Variants in PAEP observed in about 807,000 individuals in gnomAD.
The protein encoded by PAEP is progestagen associated endometrial protein.
A neutral mutation model predicts 23.0 loss-of-function variants in PAEP; 28 were observed. That is an observed-to-expected ratio of 1.22 (90% CI 0.90 to 1.67). The LOEUF is 1.67. PAEP is among the 40% of genes most tolerant of loss of function. The pLI is 0.00. For missense variants in PAEP, 209 were observed against 226.4 expected, an observed-to-expected ratio of 0.92 and a Z score of 0.49; for synonymous variants, 103 against 92.4, an observed-to-expected ratio of 1.12 and a Z score of -0.66.
chr9:135,565,695 C>T (rs1198710058), intron 5 of PAEP, 90 bp from the exon 6 acceptor site: 17 of 1,511,296 alleles, frequency 1.1e-5, no homozygotes, highest in Non-Finnish European at 1.5e-5. Context: ...CTCCCACCAT[C>T]CTTTCATCCC....
At chr9:135,562,045 A>G in intron 1 of PAEP, 148 bp downstream of exon 1, 1 of 765,804 alleles carries the variant, frequency 1.3e-6, no homozygotes, top group Non-Finnish European at 2.1e-6. Context: ...CCTGCTCTCC[A>G]TCTTTAGGGT....
chr9:135,562,680 C>A, intron 2 of PAEP, 140 bp from the exon 3 acceptor site: 1 of 837,146 alleles, frequency 1.2e-6, no homozygotes, highest in Non-Finnish European at 2.0e-6. Context: ...CCAGGTCAGA[C>A]TGAGGAGAAG....
In PAEP at chr9:135,565,804, G is replaced by C. The variant is rs1371106981; in HGVS notation, c.*3G>C. ...CCACAGAGCCGTGCCGTTTCTAGGT[G>C]AGCTCCTGCCTGGTCCTGCCTCCTG... On this transcript the variant is annotated splice_donor_region_variant and intron_variant, in intron 6 of 6. Transcript: ENST00000479141. The C allele has an allele frequency of 6.2e-7, 1 of 1,614,136 alleles. No homozygotes were observed. Among genetic ancestry groups the C allele is most frequent in the Non-Finnish European group, 8.5e-7 (1 of 1,180,014 alleles).
chr9:135,562,361 C>A lies in PAEP; in HGVS notation c.164C>A (p.Ala55Asp), dbSNP rs1832342691. The A allele has an allele frequency of 6.2e-7, 1 of 1,614,010 alleles. No homozygotes were observed. Among genetic ancestry groups the A allele is most frequent in the African/African-American group, 1.3e-5 (1 of 74,930 alleles). Residue 55 changes from alanine (A) to aspartate (D), a missense_variant, in exon 2 of 7, where the codon GCC becomes GAC. Coordinates refer to ENST00000479141, the MANE Select transcript of PAEP (RefSeq NM_002571.4). ...ATCTCCCTCATGGCGACACTGAAGGCCCCTCTGAGGGTCCACATCACCTCA... is the reference window on the plus strand; with the variant it reads ...ATCTCCCTCATGGCGACACTGAAGGACCCTCTGAGGGTCCACATCACCTCA... The part of the protein sequence containing the change: ...NNISLMATLK[A>D]PLRVHITSLL...
chr9:135,564,131 GGT>G (rs1832463766), intron 3 of PAEP, 111 bp from the exon 4 acceptor site: 1 of 1,448,450 alleles, frequency 6.9e-7, no homozygotes. Context: ...CACGTCCCAT[GGT>G]GTCAGTGGAT....
In PAEP at chr9:135,561,783, GCCA is replaced by G; in HGVS notation, c.-16_-14del. ...CATCCCTCTGGCTCCAGAGCTCAGA[GCCA>G]CCCACAGCCGCAGCCATGCTGTGCC... On this transcript the variant is annotated 5_prime_UTR_variant, in exon 1 of 7. Coordinates refer to ENST00000479141, the MANE Select transcript of PAEP (RefSeq NM_002571.4). The G allele has an allele frequency of 6.5e-7, 1 of 1,539,230 alleles. No individual in the cohort carries two copies. Among genetic ancestry groups the G allele is most frequent in the Non-Finnish European group, 8.8e-7 (1 of 1,137,592 alleles).
rs1301017360 is a variant in PAEP, at chr9:135,564,236, T to C, written c.311-8T>C. On this transcript the variant is annotated splice_polypyrimidine_tract_variant and splice_region_variant and intron_variant, in intron 3 of 6. Transcript: ENST00000479141. ...ATCTTCCTTTTGGTTCTTCTCTTCT[T>C]TCCCCAGATACGGTGGCGAACGAGG... 29 of 1,552,182 alleles carry C rather than the reference T, an allele frequency of 1.9e-5. No homozygotes were observed. The highest frequency in any genetic ancestry group is 2.6e-6 in the Non-Finnish European group (3 of 1,147,162).
intron 2 of PAEP, among the ~76,000 whole-genome samples, 184 bp downstream of exon 2, chr9:135,562,617 C>T (rs995538036): frequency 2.6e-5 from 4 of 152,214 alleles, no homozygotes; most frequent in Non-Finnish European, 5.9e-5. Context: ...TCCCTGTCCC[C>T]TTGGATCCCC....
chr9:135,565,809 C>G lies in PAEP; in HGVS notation c.*8C>G. 6.2e-7 allele frequency: 1 copy of G among 1,614,164 alleles called. No homozygotes were observed. Among genetic ancestry groups the G allele is most frequent in the Non-Finnish European group, 8.5e-7 (1 of 1,179,986 alleles). ...GAGCCGTGCCGTTTCTAGGTGAGCT[C>G]CTGCCTGGTCCTGCCTCCTGGGTAA... On this transcript the variant is annotated splice_region_variant and intron_variant, in intron 6 of 6. Coordinates refer to ENST00000479141, the MANE Select transcript of PAEP (RefSeq NM_002571.4).
intron 6 of PAEP, chr9:135,566,175 T>C (rs909837085): frequency 4.7e-6 from 1 of 213,066 alleles, no homozygotes; most frequent in African/African-American, 2.3e-5. Flanking sequence ...GTTCTTTTTT[T>C]TTTTTCTTTT....
intron 2 of PAEP, 47 bp from the exon 3 acceptor site, chr9:135,562,773 C>T (rs1453569658): frequency 1.0e-5 from 15 of 1,479,076 alleles, no homozygotes; most frequent in Non-Finnish European, 1.3e-5. Context: ...ACAGTGAAGG[C>T]AACTCCAATT....
chr9:135,561,928 G>GT (rs1446619532), intron 1 of PAEP, 31 bp downstream of exon 1: 33 of 1,510,696 alleles, frequency 2.2e-5, no homozygotes, highest in Non-Finnish European at 3.0e-5. Context: ...GCACTTTACT[G>GT]TGGGAGGCCT....
intron 4 of PAEP, 187 bp downstream of exon 4, chr9:135,564,541 T>A (rs1832489177): frequency 1.1e-6 from 1 of 943,434 alleles, no homozygotes; most frequent in Admixed American, 6.2e-5. Context: ...TCTCATTCTG[T>A]CACTCAGGCT....
rs1056193085 is a variant in PAEP, at chr9:135,562,389, G to A, written c.192G>A (p.Leu64=). Residue 64 remains leucine (L), a synonymous_variant, in exon 2 of 7, where the codon CTG becomes CTA. Coordinates refer to ENST00000479141, the MANE Select transcript of PAEP (RefSeq NM_002571.4). ...CTCTGAGGGTCCACATCACCTCACT[G>A]TTGCCCACCCCCGAGGACAACCTGG... ...KAPLRVHITS[L]LPTPEDNLEI... 1 of 1,614,098 alleles carries A rather than the reference G, an allele frequency of 6.2e-7. No individual in the cohort carries two copies. Among genetic ancestry groups the A allele is most frequent in the East Asian group, 2.2e-5 (1 of 44,874 alleles).
At chr9:135,561,955 G>A in intron 1 of PAEP, 58 bp downstream of exon 1, 2 of 1,246,852 alleles carry the variant, frequency 1.6e-6, no homozygotes, top group South Asian at 1.3e-5. Context: ...GGTGGGAGCT[G>A]CGGGCAGGCA....
chr9:135,563,908 C>T (rs1832455349), intron 3 of PAEP, among the ~76,000 whole-genome samples: 1 of 152,150 alleles, frequency 6.6e-6, no homozygotes, highest in Non-Finnish European at 1.5e-5. Context: ...TCTTCCCGCC[C>T]CTGTGCCCTG....
chr9:135,565,329 C>T, intron 4 of PAEP, 81 bp from the exon 5 acceptor site: 1 of 1,162,678 alleles, frequency 8.6e-7, no homozygotes, highest in Non-Finnish European at 1.3e-6. Flanking sequence ...CTCTGCCCTC[C>T]CTCCTCAGGC....
chr9:135,565,562 CCT>C (rs1416613598), intron 5 of PAEP, 48 bp downstream of exon 5: 4 of 1,551,634 alleles, frequency 2.6e-6, no homozygotes, highest in Admixed American at 3.3e-5. Context: ...GGAGAAGCTG[CCT>C]CTTTCTTAGC....
At chr9:135,565,199 C>G in intron 4 of PAEP, 1 of 585,798 alleles carries the variant, frequency 1.7e-6, no homozygotes, top group South Asian at 2.0e-5. Context: ...GGGGGCCGGG[C>G]CAAGGAGTGG....
Sources: allele counts gnomAD v4.1 joint callset (sites outside exome capture counted in the v4.1 genomes callset), GRCh38; gene constraint gnomAD v4.1.1; transcripts MANE v1.5; gene names NCBI Gene and HGNC (gene_info 2026-07-23, HGNC 2026-07-21).